The following ADAMTSL1 variants were observed in gnomAD, a reference collection of about 807,000 sequenced individuals.
ADAMTSL1 encodes ADAMTS-like protein 1.
In ADAMTSL1, 126 loss-of-function variants were observed where a neutral mutation model predicts 201.8. The ratio of observed to expected loss-of-function variants is 0.62; its 90% confidence interval spans 0.54 to 0.72. The LOEUF (loss-of-function observed/expected upper bound fraction) is 0.72, where lower values mean the gene tolerates loss of function less well. Among genes scored for constraint, ADAMTSL1 ranks in the 30% least tolerant of loss-of-function variants. ADAMTSL1 has a pLI of 0.00. For missense variants in ADAMTSL1, 2,679 were observed against 2,277.8 expected, an observed-to-expected ratio of 1.18 and a Z score of -3.59; for synonymous variants, 1,121 against 903.4, an observed-to-expected ratio of 1.24 and a Z score of -4.32.
chr9:18,693,889 C>G (rs889056702), intron 13 of ADAMTSL1, among the ~76,000 whole-genome samples: 1 of 152,188 alleles, frequency 6.6e-6, no homozygotes, highest in Non-Finnish European at 1.5e-5. Flanking sequence ...GCATTAGTCT[C>G]TTCTCACATT....
chr9:18,687,914 T>C (rs971887176), intron 13 of ADAMTSL1, among the ~76,000 whole-genome samples: 3 of 152,130 alleles, frequency 2.0e-5, no homozygotes, highest in African/African-American at 4.8e-5. Context: ...ATCAATTTCA[T>C]AGAACCACTG....
chr9:18,234,930 T>C (rs571946247), intron 2 of ADAMTSL1, among the ~76,000 whole-genome samples: 2 of 152,346 alleles, frequency 1.3e-5, no homozygotes, highest in South Asian at 2.1e-4. Context: ...TTGGAAATGT[T>C]GCACAGTTAT....
At chr9:17,933,865 A>G (rs945008085) in intron 1 of ADAMTSL1, among the ~76,000 whole-genome samples, 1 of 152,192 alleles carries the variant, frequency 6.6e-6, no homozygotes, top group African/African-American at 2.4e-5. Flanking sequence ...CAATTTGACC[A>G]GAGATTTTGG....
intron 19 of ADAMTSL1, among the ~76,000 whole-genome samples, chr9:18,785,471 A>G (rs144586424): frequency 6.6e-6 from 1 of 152,358 alleles, no homozygotes; most frequent in East Asian, 1.9e-4. Flanking sequence ...TAGGCACTCA[A>G]TAAACATTAC....
At chr9:18,780,846 T>C (rs944084196) in intron 19 of ADAMTSL1, among the ~76,000 whole-genome samples, 6 of 152,238 alleles carry the variant, frequency 3.9e-5, no homozygotes, top group African/African-American at 1.4e-4. Context: ...TTACTGTTCC[T>C]GAATGCATTT....
chr9:18,893,144 T>G (rs1161453780), intron 26 of ADAMTSL1, among the ~76,000 whole-genome samples: 1 of 152,044 alleles, frequency 6.6e-6, no homozygotes, highest in Non-Finnish European at 1.5e-5. Flanking sequence ...TGCTTCATAA[T>G]CAAACAGGCA....
chr9:18,305,518 G>C (rs529158382), intron 2 of ADAMTSL1, among the ~76,000 whole-genome samples: 5 of 152,264 alleles, frequency 3.3e-5, no homozygotes, highest in East Asian at 1.9e-4. Context: ...AAGCTTGGTG[G>C]GGGGAGGGGC....
chr9:18,564,186 T>C (rs1289050887), intron 3 of ADAMTSL1, among the ~76,000 whole-genome samples: 2 of 152,202 alleles, frequency 1.3e-5, no homozygotes, highest in African/African-American at 4.8e-5. Context: ...GCAAAGACTG[T>C]GGGAAGAGCA....
At chr9:18,340,883 T>C (rs896828498) in intron 2 of ADAMTSL1, among the ~76,000 whole-genome samples, 2 of 152,152 alleles carry the variant, frequency 1.3e-5, no homozygotes, top group African/African-American at 4.8e-5. Flanking sequence ...ATGTGTTTAT[T>C]AGCAGCATGA....
chr9:18,355,505 G>T (rs910188893), intron 2 of ADAMTSL1, among the ~76,000 whole-genome samples: 2 of 152,052 alleles, frequency 1.3e-5, no homozygotes, highest in African/African-American at 4.8e-5. Flanking sequence ...CAAATGAGAA[G>T]TTTCTAAAGC....
chr9:18,424,161 T>C (rs192269922), intron 2 of ADAMTSL1, among the ~76,000 whole-genome samples: 93 of 152,362 alleles, frequency 6.1e-4, no homozygotes, highest in Non-Finnish European at 1.2e-3. Context: ...CCTTGCTTAA[T>C]GGTGAAAGAG....
At chr9:18,249,786 C>G (rs939929625) in intron 2 of ADAMTSL1, among the ~76,000 whole-genome samples, 1 of 152,102 alleles carries the variant, frequency 6.6e-6, no homozygotes, top group Admixed American at 6.5e-5. Context: ...GCCTCAGAAA[C>G]TATTGAACTG....
At chr9:18,852,980 T>A (rs1163237146) in intron 23 of ADAMTSL1, among the ~76,000 whole-genome samples, 1 of 152,192 alleles carries the variant, frequency 6.6e-6, no homozygotes, top group Non-Finnish European at 1.5e-5. Context: ...AGCCTGCCTT[T>A]CTAGCCAGGA....
Position 18,777,130 on chromosome 9 carries a change from C to T in ADAMTSL1, c.2901C>T (p.Leu967=). ...VIKLIGGNRK[L]VARPLSPRSE... is the part of the protein sequence containing the mutation. Reference sequence around the variant, plus strand: ...AGCTCATCGGAGGCAACCGCAAGCTCGTGGCCCGGCCCTTGAGCCCGAGAA... The same window carrying T: ...AGCTCATCGGAGGCAACCGCAAGCTTGTGGCCCGGCCCTTGAGCCCGAGAA... The change falls in exon 19 of 29, where the codon CTC becomes CTT. Residue 967 remains leucine (L), a synonymous_variant. Coordinates refer to ENST00000380548, the MANE Select transcript of ADAMTSL1 (RefSeq NM_001040272.6). 6.2e-7 allele frequency: 1 copy of T among 1,612,998 alleles called. No individual in the cohort carries two copies. Among genetic ancestry groups the T allele is most frequent in the Non-Finnish European group, 8.5e-7 (1 of 1,179,818 alleles).
At chr9:18,074,471 GTTTTCTTTTC>G (rs66552520) in intron 1 of ADAMTSL1, among the ~76,000 whole-genome samples, 14,986 of 126,814 alleles carry the variant, frequency 0.12, 1,034 homozygotes, top group East Asian at 0.26. Flanking sequence ...ACCACACTGT[GTTTTCTTTTC>G]TTTTCTTTTC....
Position 18,622,332 on chromosome 9 carries a change from C to A in ADAMTSL1, c.564C>A (p.Val188=). The A allele has an allele frequency of 2.5e-6, 4 of 1,614,050 alleles. 1 individual carries two copies. Among genetic ancestry groups the A allele is most frequent in the Non-Finnish European group, 3.4e-6 (4 of 1,179,964 alleles). The part of the protein sequence containing the change: ...CNGDGSTCRL[V]RGQYKSQLSA... ...GAGATGGGTCCACCTGCCGGCTGGT[C>A]CGAGGGCAGTATAAATCCCAGCTCT... The change falls in exon 5 of 29, where the codon GTC becomes GTA. Residue 188 remains valine, a synonymous_variant. Transcript: ENST00000380548.
At chr9:18,740,485 T>C (rs1326396834) in intron 15 of ADAMTSL1, among the ~76,000 whole-genome samples, 23 of 144,736 alleles carry the variant, frequency 1.6e-4, no homozygotes, top group African/African-American at 5.9e-4. Flanking sequence ...TATCTTTTTT[T>C]TTTTTTTTTT....
intron 1 of ADAMTSL1, among the ~76,000 whole-genome samples, chr9:17,990,917 A>G (rs916435491): frequency 1.3e-5 from 2 of 152,182 alleles, no homozygotes; most frequent in Non-Finnish European, 2.9e-5. Flanking sequence ...AGAAAGATGC[A>G]TGCCCTTTAT....
At chr9:18,669,762 T>C (rs529624241) in intron 9 of ADAMTSL1, among the ~76,000 whole-genome samples, 1 of 152,280 alleles carries the variant, frequency 6.6e-6, no homozygotes, top group Non-Finnish European at 1.5e-5. Context: ...GCAGGTAAGA[T>C]AGAGTCCAAT....
Sources: allele counts gnomAD v4.1 joint callset (sites outside exome capture counted in the v4.1 genomes callset), GRCh38; gene constraint gnomAD v4.1.1; transcripts MANE v1.5; gene names NCBI Gene and HGNC (gene_info 2026-07-23, HGNC 2026-07-21).